CERT1: variants seen among roughly 807,000 people sequenced by gnomAD.
CERT1 encodes the protein ceramide transfer protein.
In CERT1, 31 loss-of-function variants were observed where a neutral mutation model predicts 87.9. That is an observed-to-expected ratio of 0.35 (90% CI 0.27 to 0.48). CERT1 has a LOEUF of 0.48. Ranked by LOEUF, CERT1 falls within the 20% of genes least tolerant of loss-of-function variation. The pLI is 0.99. For missense variants in CERT1, 487 were observed against 758.0 expected, an observed-to-expected ratio of 0.64 and a Z score of 4.20; for synonymous variants, 289 against 250.9, an observed-to-expected ratio of 1.15 and a Z score of -1.44.
At chr5:75,482,363 T>C (rs959370961) in intron 2 of CERT1, among the ~76,000 whole-genome samples, 7 of 152,188 alleles carry the variant, frequency 4.6e-5, no homozygotes, top group African/African-American at 1.7e-4. Flanking sequence ...ACTTGTGGCT[T>C]GGGTGCTAGT....
At chr5:75,376,449 C>G (rs1011974603), downstream of CERT1, 1 of 152,124 alleles carries the variant, frequency 6.6e-6, no homozygotes, top group African/African-American at 2.4e-5. Flanking sequence ...TGAAACAGCA[C>G]CACTTTAAAA....
intron 2 of CERT1, among the ~76,000 whole-genome samples, chr5:75,504,854 G>A (rs1767579797): frequency 6.6e-6 from 1 of 150,486 alleles, no homozygotes. Context: ...TGGGTTACAT[G>A]CTTAACAAGT....
At chr5:75,487,499 G>C (rs183881222) in intron 2 of CERT1, among the ~76,000 whole-genome samples, 9 of 152,020 alleles carry the variant, frequency 5.9e-5, no homozygotes, top group Middle Eastern at 3.4e-3. Context: ...AAGTTAAAAG[G>C]CGTCTCTACA....
intron 2 of CERT1, among the ~76,000 whole-genome samples, chr5:75,487,445 A>T (rs1317209533): frequency 6.6e-6 from 1 of 152,130 alleles, no homozygotes; most frequent in Non-Finnish European, 1.5e-5. Context: ...AATACCACGT[A>T]TGCACAGGCA....
intron 7 of CERT1, among the ~76,000 whole-genome samples, chr5:75,413,158 C>G (rs1762999221): frequency 6.6e-6 from 1 of 152,060 alleles, no homozygotes; most frequent in African/African-American, 2.4e-5. Flanking sequence ...TAGGCCTACA[C>G]AGGGTCAGGA....
At chr5:75,462,578 C>T (rs1019730075) in intron 2 of CERT1, among the ~76,000 whole-genome samples, 5 of 151,278 alleles carry the variant, frequency 3.3e-5, no homozygotes, top group Admixed American at 6.6e-5. Flanking sequence ...TGAGGACCCC[C>T]GATCTAAAGG....
intron 3 of CERT1, among the ~76,000 whole-genome samples, chr5:75,445,664 A>G (rs1447971193): frequency 6.6e-6 from 1 of 151,922 alleles, no homozygotes; most frequent in Non-Finnish European, 1.5e-5. Flanking sequence ...CAGACATAGG[A>G]TTGGGTTTTT....
At chr5:75,369,324 G>C (rs553364132) in intron 17 of CERT1, 4 of 152,142 alleles carry the variant, frequency 2.6e-5, no homozygotes, top group Non-Finnish European at 5.9e-5. Context: ...GCATAAAGTC[G>C]AACAATCATA....
chr5:75,394,937 A>C (rs1323623833), intron 11 of CERT1, among the ~76,000 whole-genome samples: 1 of 152,206 alleles, frequency 6.6e-6, no homozygotes, highest in Non-Finnish European at 1.5e-5. Flanking sequence ...AGATAAATGG[A>C]ATATTAGTAA....
At chr5:75,497,756 C>CTG (rs1428836580) in intron 2 of CERT1, among the ~76,000 whole-genome samples, 1 of 152,038 alleles carries the variant, frequency 6.6e-6, no homozygotes, top group East Asian at 1.9e-4. Context: ...AATACCCAGT[C>CTG]TCGGGTATTT....
chr5:75,508,939 A>G (rs1400142501), intron 1 of CERT1, among the ~76,000 whole-genome samples: 1 of 152,166 alleles, frequency 6.6e-6, no homozygotes, highest in Non-Finnish European at 1.5e-5. Context: ...CTCAAGTCCT[A>G]CTAAGGCATG....
At chr5:75,393,585 G>A (rs1407995330) in intron 11 of CERT1, among the ~76,000 whole-genome samples, 3 of 37,450 alleles carry the variant, frequency 8.0e-5, no homozygotes, top group East Asian at 2.1e-3. Context: ...CGGCAACATA[G>A]CAAGACCTCA....
Position 75,379,277 on chromosome 5 carries a change from G to T in CERT1, c.*69C>A. On this transcript the variant is annotated 3_prime_UTR_variant, in exon 17 of 17. Coordinates refer to ENST00000643780, the MANE Select transcript of CERT1 (RefSeq NM_001379029.1). The stretch of plus-strand genomic sequence containing the variant: ...AAATACTTTCAACAACTAAATTTTA[G>T]TATTGACAGTCATATTAGTCAAATA... The T allele has an allele frequency of 1.5e-6, 2 of 1,301,072 alleles. No homozygotes were observed. Among genetic ancestry groups the T allele is most frequent in the African/African-American group, 1.5e-5 (1 of 67,414 alleles). The allele number at this position is 1,301,072 out of a possible 1,614,324, so 80.6% of individuals were successfully genotyped here. A position where few individuals can be genotyped will look rare whatever the true frequency, so the allele number is the denominator to read the frequency against.
intron 2 of CERT1, among the ~76,000 whole-genome samples, chr5:75,498,193 C>T (rs1767164996): frequency 6.6e-6 from 1 of 152,042 alleles, no homozygotes; most frequent in Admixed American, 6.6e-5. Flanking sequence ...GCAAAGCATT[C>T]AAGATGAAGC....
chr5:75,455,982 G>A (rs1580795294), intron 3 of CERT1, among the ~76,000 whole-genome samples: 1 of 152,146 alleles, frequency 6.6e-6, no homozygotes, highest in Admixed American at 6.5e-5. Flanking sequence ...TCCTCAATAA[G>A]TGTTAGCTCC....
chr5:75,501,110 A>C (rs1264718416), intron 2 of CERT1, among the ~76,000 whole-genome samples: 2 of 151,750 alleles, frequency 1.3e-5, no homozygotes, highest in East Asian at 3.9e-4. Flanking sequence ...GCCTCCAAAG[A>C]AGCTGAGACT....
chr5:75,468,877 C>T (rs556934148), intron 2 of CERT1, among the ~76,000 whole-genome samples: 8 of 152,076 alleles, frequency 5.3e-5, no homozygotes, highest in East Asian at 1.9e-4. Context: ...CTTCAACATG[C>T]GGATATAGAT....
intron 3 of CERT1, among the ~76,000 whole-genome samples, chr5:75,433,917 G>T (rs948805275): frequency 6.6e-6 from 1 of 152,148 alleles, no homozygotes; most frequent in African/African-American, 2.4e-5. Flanking sequence ...TCTAGGAATA[G>T]AATAATATTT....
chr5:75,437,432 TAAATA>T (rs1364302688), intron 3 of CERT1, among the ~76,000 whole-genome samples: 2 of 152,136 alleles, frequency 1.3e-5, no homozygotes, highest in Admixed American at 1.3e-4. Flanking sequence ...AAATTTCATT[TAAATA>T]AGTTTCATTA....
Sources: gnomAD v4.1 joint callset for allele counts (sites outside exome capture counted in the v4.1 genomes callset) on GRCh38, gnomAD v4.1.1 for gene constraint, MANE v1.5 for transcripts, NCBI Gene and HGNC (gene_info 2026-07-23, HGNC 2026-07-21) for gene names.